BBS2: variants seen among roughly 807,000 people sequenced by gnomAD.
BBS2 encodes Bardet-Biedl syndrome 2.
A neutral mutation model predicts 83.0 loss-of-function variants in BBS2; 62 were observed. The observed-to-expected ratio is 0.75, with a 90% confidence interval of 0.61 to 0.92. The LOEUF is 0.92. BBS2 is among the 40% of genes least tolerant of loss of function. The pLI is 0.00. For synonymous variants in BBS2, 303 were observed against 326.1 expected, an observed-to-expected ratio of 0.93 and a Z score of 0.76; for missense variants, 784 against 901.0, an observed-to-expected ratio of 0.87 and a Z score of 1.66.
rs542991138 is a variant in BBS2, at chr16:56,516,706, T to C, written c.118-2026A>G. On this transcript the variant is annotated intron_variant, in intron 1 of 16. Coordinates refer to ENST00000245157, the MANE Select transcript of BBS2 (RefSeq NM_031885.5). ...ACCATGCCCGGCCAGAGATTCCTTTTAAAAAAATATCCTTGCTAAGGCTCA... is the reference window on the plus strand; with the variant it reads ...ACCATGCCCGGCCAGAGATTCCTTTCAAAAAAATATCCTTGCTAAGGCTCA... Among the ~76,000 whole-genome samples the C allele has an allele frequency of 1.9e-4, 29 of 152,236 alleles. 1 individual carries two copies. The East Asian group carries it at 5.6e-3, about 29-fold the overall frequency.
In BBS2 at chr16:56,500,525, T is replaced by A. The variant is rs1444195538; in HGVS notation, c.1397+329A>T. On this transcript the variant is annotated intron_variant, in intron 11 of 16. Transcript: ENST00000245157. ...CCTGTGGTCCCAGTACTCAGGAGGCTGAGGCAGAAGAATTGCTTGAACCCA... is the reference window on the plus strand; with the variant it reads ...CCTGTGGTCCCAGTACTCAGGAGGCAGAGGCAGAAGAATTGCTTGAACCCA... The A allele has an allele frequency of 2.9e-5, 9 of 312,842 alleles. No homozygotes were observed. In the Admixed American group the frequency reaches 4.2e-4, roughly 15 times the overall value. The allele number at this position is 312,842 out of a possible 1,614,324, so 19.4% of individuals were successfully genotyped here. A position where few individuals can be genotyped will look rare whatever the true frequency, so the allele number is the denominator to read the frequency against.
rs1052855542 is a variant in BBS2 at position 56,510,394 on chromosome 16, T to C, written c.535-360A>G. Among the ~76,000 whole-genome samples the C allele has an allele frequency of 2.0e-5, 3 of 152,188 alleles. No individual in the cohort carries two copies. The South Asian group carries it at 6.2e-4, about 32-fold the overall frequency. The stretch of plus-strand genomic sequence containing the variant: ...TGTCCATGGACAAGAGAGGGGCAAG[T>C]CGGTGCCCAACACAGCACGTCACAC... On this transcript the variant is annotated intron_variant, in intron 4 of 16. Coordinates refer to ENST00000245157, the MANE Select transcript of BBS2 (RefSeq NM_031885.5).
intron 17 of BBS2, among the ~76,000 whole-genome samples, chr16:56,473,408 T>C (rs1187922447): frequency 6.6e-6 from 1 of 152,244 alleles, no homozygotes; most frequent in Middle Eastern, 3.2e-3. Context: ...TTAGATTTTT[T>C]CCAGTTCTTC....
rs975131601 is a variant in BBS2, at chr16:56,497,037, T to C, written c.1840A>G (p.Met614Val). Residue 614 changes from methionine to valine, a missense_variant, in exon 15 of 17, where the codon ATG becomes GTG. Physicochemically the swap from Met to Val is conservative, Grantham distance 21. Coordinates refer to ENST00000245157, the MANE Select transcript of BBS2 (RefSeq NM_031885.5). ...HSVHQKLSAD[M>V]ADHSNLIRSL... is the part of the protein sequence containing the mutation. ...CGGATCAAATTAGAATGATCAGCCA[T>C]ATCAGCACTGAGCTTCTGATGCACT... The C allele has an allele frequency of 1.2e-6, 2 of 1,614,122 alleles. No individual in the cohort carries two copies. Among genetic ancestry groups the C allele is most frequent in the African/African-American group, 1.3e-5 (1 of 75,048 alleles).
At chr16:56,502,477 G>A (rs369269086) in intron 8 of BBS2, 21 bp from the exon 9 acceptor site, 68 of 1,613,948 alleles carry the variant, frequency 4.2e-5, no homozygotes, top group East Asian at 6.7e-5. Flanking sequence ...GGAAAAAACC[G>A]CAAGTATAAC....
chr16:56,470,862 A>C, intron 17 of BBS2: 10 of 1,408,360 alleles, frequency 7.1e-6, no homozygotes, highest in Non-Finnish European at 9.5e-6. Context: ...TTCATTCAAC[A>C]AACATTTATT....
At chr16:56,487,873 T>C (rs1254470716) in intron 15 of BBS2, among the ~76,000 whole-genome samples, 4 of 151,920 alleles carry the variant, frequency 2.6e-5, no homozygotes, top group Admixed American at 2.0e-4. Context: ...AAAACATCCA[T>C]ACATGAAAGA....
Position 56,506,214 on chromosome 16 carries a change from G to A in BBS2, c.623C>T (p.Ser208Phe). Residue 208 changes from serine (S) to phenylalanine (F), a missense_variant, in exon 6 of 17, where the codon TCT (serine) becomes TTT (phenylalanine). Physicochemically the swap from Ser to Phe is radical, Grantham distance 155 (BLOSUM62 -2). Coordinates refer to ENST00000245157, the MANE Select transcript of BBS2 (RefSeq NM_031885.5). The part of the protein sequence containing the change: ...AEMTETEIVT[S>F]LCPMYGSRFG... ...TCGACTGCCATACATGGGACAAAGA[G>A]AGGTGACTATCTGCAAAACAATCCA... is the stretch of plus-strand genomic sequence containing the variant. The A allele has an allele frequency of 6.2e-7, 1 of 1,613,420 alleles. No homozygotes were observed. Among genetic ancestry groups the A allele is most frequent in the Non-Finnish European group, 8.5e-7 (1 of 1,179,470 alleles).
intron 2 of BBS2, 83 bp from the exon 3 acceptor site, chr16:56,511,367 T>C (rs1964571974): frequency 6.3e-7 from 1 of 1,579,352 alleles, no homozygotes. Flanking sequence ...TTGAGTAAAC[T>C]GAGCAGATTT....
intron 15 of BBS2, among the ~76,000 whole-genome samples, chr16:56,489,070 T>G (rs1567566542): frequency 6.6e-6 from 1 of 151,492 alleles, no homozygotes; most frequent in African/African-American, 2.4e-5. Context: ...CATAAGCTAC[T>G]GCACCCAGCC....
chr16:56,480,744 G>T (rs1252086963), downstream of BBS2, among the ~76,000 whole-genome samples: 1 of 152,188 alleles, frequency 6.6e-6, no homozygotes, highest in Non-Finnish European at 1.5e-5. Context: ...CAATGAGGAA[G>T]CACAAACCCT....
chr16:56,519,330 CAAAAAAAAA>C (rs35141671), intron 1 of BBS2, among the ~76,000 whole-genome samples: 2 of 55,710 alleles, frequency 3.6e-5, no homozygotes, highest in Non-Finnish European at 7.9e-5. Flanking sequence ...GACTCCGTCT[CAAAAAAAAA>C]AAAAAAAAAA....
chr16:56,516,613 G>A (rs992532610), intron 1 of BBS2, among the ~76,000 whole-genome samples: 8 of 151,954 alleles, frequency 5.3e-5, no homozygotes, highest in Admixed American at 1.3e-4. Context: ...GGTTGGTGTC[G>A]AACTCCTAAC....
At chr16:56,498,895 T>C (rs1964187373) in intron 12 of BBS2, 1 of 418,292 alleles carries the variant, frequency 2.4e-6, no homozygotes, top group South Asian at 2.1e-5. Context: ...ATGATTCAGG[T>C]ATGATGCTGA....
intron 11 of BBS2, 198 bp downstream of exon 11, chr16:56,500,656 A>G (rs549182747): frequency 8.4e-6 from 5 of 594,484 alleles, no homozygotes; most frequent in Non-Finnish European, 1.2e-5. Flanking sequence ...ACCATCTTAA[A>G]CTTACATATC....
intron 17 of BBS2, chr16:56,476,069 A>T: frequency 6.2e-7 from 1 of 1,613,168 alleles, no homozygotes; most frequent in Non-Finnish European, 8.5e-7. Flanking sequence ...CCAGAAAGCA[A>T]TTCTTTGGCA....
At chr16:56,484,951 A>T in intron 16 of BBS2, 84 bp from the exon 17 acceptor site, 1 of 998,416 alleles carries the variant, frequency 1.0e-6, no homozygotes, top group Non-Finnish European at 1.6e-6. Context: ...ACAACATAAA[A>T]CCAGGAGGGA....
intron 15 of BBS2, among the ~76,000 whole-genome samples, chr16:56,495,872 A>G (rs778350173): frequency 6.6e-6 from 1 of 151,732 alleles, no homozygotes; most frequent in Non-Finnish European, 1.5e-5. Flanking sequence ...CAATGTCCAA[A>G]ATTTGCCTCA....
chr16:56,501,071 G>A, intron 10 of BBS2, 46 bp from the exon 11 acceptor site: 2 of 1,603,452 alleles, frequency 1.2e-6, no homozygotes, highest in Admixed American at 1.7e-5. Flanking sequence ...CCAACTTTGG[G>A]AAGCTGAGGT....
Sources: gnomAD v4.1 joint callset for allele counts (sites outside exome capture counted in the v4.1 genomes callset) on GRCh38, gnomAD v4.1.1 for gene constraint, MANE v1.5 for transcripts, NCBI Gene and HGNC (gene_info 2026-07-23, HGNC 2026-07-21) for gene names.